Variants in GGTA1 observed in about 807,000 individuals in gnomAD.
GGTA1 encodes inactive N-acetyllactosaminide alpha-1,3-galactosyltransferase.
Under a neutral mutation model 2.6 loss-of-function variants are expected in GGTA1, and 5 were observed. The ratio of observed to expected loss-of-function variants is 1.92; its 90% CI spans 1.00 to 4.04. The LOEUF (loss-of-function observed/expected upper bound fraction) is 4.04. Ranked by LOEUF, GGTA1 falls within the 30% of genes most tolerant of loss-of-function variation. The probability of loss-of-function intolerance (pLI) is 0.00; values close to 1 mark genes in which losing one functional copy is unlikely to be tolerated. For synonymous variants in GGTA1, 17 were observed against 5.0 expected, an observed-to-expected ratio of 3.38 and a Z score of -3.19; for missense variants, 50 against 16.7, an observed-to-expected ratio of 2.99 and a Z score of -3.47.
At position 121,476,486 on chromosome 9, in the gene GGTA1, GTTC is replaced by G. The variant is rs1828513720; in HGVS notation, c.-9-8558_-9-8556del. Among the ~76,000 whole-genome samples the G allele has an allele frequency of 6.6e-6, 1 of 152,158 alleles. No individual in the cohort carries two copies. Among genetic ancestry groups the G allele is most frequent in the African/African-American group, 2.4e-5 (1 of 41,428 alleles). On this transcript the variant is annotated intron_variant, in intron 1 of 5. Coordinates refer to ENST00000481799, the MANE Select transcript of GGTA1 (RefSeq NM_001382585.1). The surrounding 1 kb of genome is among the most constrained non-coding windows in gnomAD (Gnocchi z 4.6). ...AGCTAAGATTCCCCAGTAATCCCCAGTTCTTCTCTGATGAACCCAGGATGTGCA... is the reference window on the plus strand; with the variant it reads ...AGCTAAGATTCCCCAGTAATCCCCAGTTCTCTGATGAACCCAGGATGTGCA...
intron 1 of GGTA1, among the ~76,000 whole-genome samples, chr9:121,481,429 G>A (rs575557556): frequency 2.0e-5 from 3 of 152,276 alleles, no homozygotes; most frequent in Admixed American, 6.5e-5. Flanking sequence ...GCTCATGCCT[G>A]TAATCCCAGC....
chr9:121,446,255 G>A (rs1177587066), exon 8 of GGTA1: 1 of 152,264 alleles, frequency 6.6e-6, no homozygotes, highest in East Asian at 1.9e-4. Context: ...CTCATGTCAA[G>A]GCTTTGTTTT....
chr9:121,496,757 A>AAAAG (rs1554838784), intron 1 of GGTA1, among the ~76,000 whole-genome samples: 6 of 111,986 alleles, frequency 5.4e-5, no homozygotes, highest in African/African-American at 1.2e-4. Context: ...AAAAAAAAAA[A>AAAAG]AGAGAGAGAG....
chr9:121,498,006 T>A (rs1056462370), intron 1 of GGTA1, among the ~76,000 whole-genome samples: 2 of 152,246 alleles, frequency 1.3e-5, no homozygotes, highest in African/African-American at 4.8e-5. Context: ...CAAATCACGT[T>A]GCACACTTCT....
At chr9:121,449,171 C>T (rs1262651183) in intron 7 of GGTA1, among the ~76,000 whole-genome samples, 1 of 152,170 alleles carries the variant, frequency 6.6e-6, no homozygotes, top group Non-Finnish European at 1.5e-5. Flanking sequence ...CTGAATGTGA[C>T]TTAGTTCATT....
chr9:121,468,262 A>T (rs567243718), intron 1 of GGTA1, among the ~76,000 whole-genome samples: 1 of 152,224 alleles, frequency 6.6e-6, no homozygotes, highest in East Asian at 1.9e-4. Flanking sequence ...GAGTGAGAAC[A>T]TGCGGTGTTT....
At chr9:121,494,223 TG>T (rs1828941045) in intron 1 of GGTA1, among the ~76,000 whole-genome samples, 1 of 152,200 alleles carries the variant, frequency 6.6e-6, no homozygotes, top group Non-Finnish European at 1.5e-5. Context: ...GATGTCTGTG[TG>T]GGGTTGCCCT....
chr9:121,462,729 T>A (rs2064971019), intron 3 of GGTA1: 2 of 152,138 alleles, frequency 1.3e-5, no homozygotes, highest in Admixed American at 6.5e-5. Context: ...AAAGCCGGGA[T>A]TTCACACCAG....
At chr9:121,473,062 G>A (rs1163741677) in intron 1 of GGTA1, among the ~76,000 whole-genome samples, 1 of 152,146 alleles carries the variant, frequency 6.6e-6, no homozygotes, top group East Asian at 1.9e-4. Flanking sequence ...GTGCAAACCT[G>A]TAATCTCAGC....
chr9:121,450,792 C>T (rs912324705), downstream of GGTA1, among the ~76,000 whole-genome samples: 1 of 152,160 alleles, frequency 6.6e-6, no homozygotes, highest in Non-Finnish European at 1.5e-5. Context: ...CCACAGTCAC[C>T]TTTCTCTGTT....
intron 1 of GGTA1, among the ~76,000 whole-genome samples, chr9:121,497,186 G>A (rs1829013521): frequency 1.3e-5 from 2 of 151,832 alleles, no homozygotes; most frequent in Admixed American, 6.6e-5. Context: ...GAGGGAGACT[G>A]TCTCAAAAAA....
chr9:121,492,705 C>T (rs28478469), intron 1 of GGTA1, among the ~76,000 whole-genome samples: 41,332 of 151,544 alleles, frequency 0.27, 6,127 homozygotes, highest in Middle Eastern at 0.37. Flanking sequence ...AACTCCCTAC[C>T]TCAGGTGATC....
chr9:121,478,797 T>A (rs1444975018), intron 1 of GGTA1, among the ~76,000 whole-genome samples: 1 of 152,130 alleles, frequency 6.6e-6, no homozygotes, highest in Non-Finnish European at 1.5e-5. Context: ...CTTTGGGAAA[T>A]CTAAAGGCTG....
chr9:121,473,319 C>A (rs1367952955), intron 1 of GGTA1, among the ~76,000 whole-genome samples: 43 of 96,374 alleles, frequency 4.5e-4, no homozygotes, highest in East Asian at 1.7e-3. Flanking sequence ...GACTCCATCT[C>A]AAAAAAAAAA....
At chr9:121,481,057 G>A (rs909664644) in intron 1 of GGTA1, among the ~76,000 whole-genome samples, 187 of 150,856 alleles carry the variant, frequency 1.2e-3, no homozygotes, top group African/African-American at 4.4e-3. Context: ...GGAGGCTGAG[G>A]CAGGAGAATC....
rs141109769 is a variant in GGTA1, at chr9:121,458,625, CAAATAAAT to C, written c.298+1471_298+1478del. ...CTGGTGGCAGAATGAGACCCTGTCT[CAAATAAAT>C]AAATAAATAAATAAATAAATAAATA... On this transcript the variant is annotated intron_variant, in intron 5 of 5. Transcript: ENST00000481799. Among the ~76,000 whole-genome samples the C allele has an allele frequency of 7.5e-3, 1,085 of 143,864 alleles. 6 individuals carry two copies. The highest frequency in any genetic ancestry group is 0.014 in the African/African-American group (533 of 38,820). 94.4% of individuals were successfully genotyped at this position (143,864 alleles called of 152,430 possible).
chr9:121,499,476 G>T (rs1336060314), intron 1 of GGTA1, among the ~76,000 whole-genome samples, 174 bp downstream of exon 1: 1 of 152,144 alleles, frequency 6.6e-6, no homozygotes, highest in African/African-American at 2.4e-5. Context: ...GGTCCGATTT[G>T]GCACCGAGGT....
chr9:121,473,937 G>GA (rs1243819369), intron 1 of GGTA1, among the ~76,000 whole-genome samples: 20 of 126,046 alleles, frequency 1.6e-4, no homozygotes, highest in Admixed American at 4.7e-4. Context: ...GAGAAAGAGA[G>GA]AAGGAGAGAG....
intron 2 of GGTA1, 100 bp downstream of exon 2, chr9:121,467,743 A>C: frequency 2.6e-6 from 1 of 387,648 alleles, no homozygotes; most frequent in South Asian, 1.9e-5. Flanking sequence ...GGTTTTAGTT[A>C]ATCCTAATTT....
Sources: gnomAD v4.1 joint callset for allele counts (sites outside exome capture counted in the v4.1 genomes callset) on GRCh38, gnomAD v4.1.1 for gene constraint, Gnocchi (gnomAD v3.1) non-coding constraint, MANE v1.5 for transcripts, NCBI Gene and HGNC (gene_info 2026-07-23, HGNC 2026-07-21) for gene names.